Variants in MYT1L observed in about 807,000 individuals in gnomAD.
The protein encoded by MYT1L is myelin transcription factor 1 like, also known as myelin transcription factor 1-like protein.
A neutral mutation model predicts 126.7 loss-of-function variants in MYT1L; 12 were observed. The ratio of observed to expected loss-of-function variants is 0.09; its 90% CI spans 0.06 to 0.15. The LOEUF (loss-of-function observed/expected upper bound fraction) is 0.15, where lower values mean the gene tolerates loss of function less well. Among genes scored for constraint, MYT1L ranks in the 10% least tolerant of loss-of-function variants. The pLI is 1.00. For missense variants in MYT1L, 979 were observed against 1,585.2 expected, an observed-to-expected ratio of 0.62 and a Z score of 6.49; for synonymous variants, 541 against 604.2, an observed-to-expected ratio of 0.90 and a Z score of 1.53.
chr2:1,885,453 A>G (rs1209895177), intron 18 of MYT1L: 2 of 152,716 alleles, frequency 1.3e-5, no homozygotes, highest in African/African-American at 4.8e-5. Flanking sequence ...GTCACTGAAC[A>G]TAAGCAGGTG....
chr2:1,950,621 A>T (rs749851550), intron 8 of MYT1L, among the ~76,000 whole-genome samples: 2 of 152,116 alleles, frequency 1.3e-5, no homozygotes, highest in Non-Finnish European at 2.9e-5. Flanking sequence ...CAGGGAGGAG[A>T]CTGAGACAGA....
intron 21 of MYT1L, among the ~76,000 whole-genome samples, chr2:1,818,288 G>A (rs562364741): frequency 1.3e-3 from 192 of 152,312 alleles, no homozygotes; most frequent in Non-Finnish European, 2.1e-3. Flanking sequence ...GAGAACTCAC[G>A]ACAAAGAGCT....
At chr2:2,230,465 A>G (rs1288242513) in intron 2 of MYT1L, among the ~76,000 whole-genome samples, 1 of 152,232 alleles carries the variant, frequency 6.6e-6, no homozygotes, top group Non-Finnish European at 1.5e-5. Context: ...TGAATCGCCA[A>G]TGTACTTAGA....
intron 4 of MYT1L, among the ~76,000 whole-genome samples, chr2:2,032,129 A>G (rs2066378265): frequency 7.7e-6 from 1 of 130,574 alleles, no homozygotes; most frequent in South Asian, 2.8e-4. Context: ...TGTGGCCCAG[A>G]GCAGATTCTA....
chr2:2,162,015 T>TA (rs912002092), intron 3 of MYT1L, among the ~76,000 whole-genome samples: 25 of 152,214 alleles, frequency 1.6e-4, no homozygotes, highest in African/African-American at 5.8e-4. Flanking sequence ...ACGTTCAGGA[T>TA]AGACTCGCTT....
At chr2:1,800,373 A>G (rs9653594) in intron 23 of MYT1L, 6,583 of 152,402 alleles carry the variant, frequency 0.043, 163 homozygotes, top group East Asian at 0.072. Flanking sequence ...CTCTGGGAAG[A>G]CCTGAACACA....
At chr2:1,832,882 C>A (rs1050019573) in intron 21 of MYT1L, among the ~76,000 whole-genome samples, 19 of 152,212 alleles carry the variant, frequency 1.2e-4, no homozygotes, top group African/African-American at 4.3e-4. Context: ...ATCTCCTTCA[C>A]CCCAGTCCAC....
chr2:2,121,843 A>T (rs1161804015), intron 3 of MYT1L, among the ~76,000 whole-genome samples: 2 of 152,214 alleles, frequency 1.3e-5, no homozygotes, highest in Admixed American at 6.5e-5. Context: ...TTGCTACTGG[A>T]GCCCAGGAGG....
rs1182051584 is a variant in MYT1L at position 1,929,370 on chromosome 2, C to T, written c.506-6107G>A. On this transcript the variant is annotated intron_variant, in intron 9 of 24. Transcript: ENST00000647738. The surrounding 1 kb of genome is among the most constrained non-coding windows in gnomAD (Gnocchi z 4.7). Reference sequence around the variant, plus strand: ...GCCAGTGAGGCCCTTCACTAGAAGACCCCTGAGGCGCCCTCTAACTCAGAG... The same window carrying T: ...GCCAGTGAGGCCCTTCACTAGAAGATCCCTGAGGCGCCCTCTAACTCAGAG... Among the ~76,000 whole-genome samples the T allele has an allele frequency of 6.6e-6, 1 of 152,154 alleles. No individual in the cohort carries two copies. Among genetic ancestry groups the T allele is most frequent in the Non-Finnish European group, 1.5e-5 (1 of 68,020 alleles).
At chr2:2,095,316 G>A (rs1169314216) in intron 3 of MYT1L, among the ~76,000 whole-genome samples, 1 of 152,228 alleles carries the variant, frequency 6.6e-6, no homozygotes, top group Non-Finnish European at 1.5e-5. Context: ...CTCTCCAGGT[G>A]AGGCTGAGTT....
At chr2:1,875,793 C>CGGCCT (rs2046832967) in intron 18 of MYT1L, among the ~76,000 whole-genome samples, 1 of 152,174 alleles carries the variant, frequency 6.6e-6, no homozygotes, top group South Asian at 2.1e-4. Context: ...ACCTAAGCCT[C>CGGCCT]GGCCTGCTTT....
At chr2:1,924,702 G>GA (rs1331884965) in intron 9 of MYT1L, among the ~76,000 whole-genome samples, 3 of 152,188 alleles carry the variant, frequency 2.0e-5, no homozygotes, top group Non-Finnish European at 4.4e-5. Flanking sequence ...ATTAGACATA[G>GA]AGAATCGCTA....
At chr2:2,155,882 C>T (rs1412962920) in intron 3 of MYT1L, among the ~76,000 whole-genome samples, 1 of 152,158 alleles carries the variant, frequency 6.6e-6, no homozygotes, top group Non-Finnish European at 1.5e-5. Context: ...AACCATGTTC[C>T]ATGATTTGCT....
At position 1,832,563 on chromosome 2, in the gene MYT1L, C is replaced by G. The variant is rs978592726; in HGVS notation, c.3080+6586G>C. Among the ~76,000 whole-genome samples the G allele has an allele frequency of 2.0e-5, 3 of 152,218 alleles. No individual in the cohort carries two copies. In the East Asian group the frequency reaches 5.8e-4, roughly 29 times the overall value. On this transcript the variant is annotated intron_variant, in intron 21 of 24. Transcript: ENST00000647738. Reference sequence around the variant, plus strand: ...TAAACAGTCCTCTAATCTGTCCTTCCTTTCATGTTGGAGGTCTAGCCCTCA... The same window carrying G: ...TAAACAGTCCTCTAATCTGTCCTTCGTTTCATGTTGGAGGTCTAGCCCTCA...
intron 2 of MYT1L, among the ~76,000 whole-genome samples, chr2:2,216,938 AT>A (rs1273849260): frequency 1.3e-5 from 2 of 152,162 alleles, no homozygotes; most frequent in Non-Finnish European, 2.9e-5. Context: ...AAATAGAAAA[AT>A]TTGATTTGAA....
In MYT1L at chr2:1,933,736, TGC is replaced by T. The variant is rs2055340317; in HGVS notation, c.505+9244_505+9245del. Among the ~76,000 whole-genome samples the T allele has an allele frequency of 3.3e-5, 5 of 152,168 alleles. No homozygotes were observed. In the South Asian group the frequency reaches 1.0e-3, roughly 32 times the overall value. ...GGACAGGGTGCCCAGTGCCCAGGTGTGCTATAGAAGGTGACAGGACATTCTGT... is the reference window on the plus strand; with the variant it reads ...GGACAGGGTGCCCAGTGCCCAGGTGTTATAGAAGGTGACAGGACATTCTGT... On this transcript the variant is annotated intron_variant, in intron 9 of 24. Coordinates refer to ENST00000647738, the MANE Select transcript of MYT1L (RefSeq NM_001303052.2).
chr2:2,247,909 AGCTGTAAGT>A (rs1465838572), intron 2 of MYT1L, among the ~76,000 whole-genome samples: 16 of 152,180 alleles, frequency 1.1e-4, no homozygotes, highest in African/African-American at 3.4e-4. Flanking sequence ...GGAAATTTAT[AGCTGTAAGT>A]GCTTACATCG....
chr2:2,314,600 G>A (rs1477925847), intron 1 of MYT1L, among the ~76,000 whole-genome samples: 1 of 152,100 alleles, frequency 6.6e-6, no homozygotes, highest in East Asian at 1.9e-4. Flanking sequence ...TGCAGGATGT[G>A]CAGATTTGTT....
At position 1,979,020 on chromosome 2, in the gene MYT1L, A is replaced by G. The variant is rs2060392498; in HGVS notation, c.152+145T>C. 1.5e-6 allele frequency: 1 copy of G among 671,236 alleles called. No homozygotes were observed. Among genetic ancestry groups the G allele is most frequent in the Admixed American group, 2.7e-5 (1 of 37,104 alleles). 41.6% of individuals were successfully genotyped at this position (671,236 alleles called of 1,614,324 possible). On this transcript the variant is annotated intron_variant, in intron 8 of 24. Transcript: ENST00000647738. The surrounding 1 kb of genome is among the most constrained non-coding windows in gnomAD (Gnocchi z 4.0). ...TTGAGAACCCTTTCAAGAGACAAAG[A>G]CTGAGTTCCAGTGTGAGAAGAAAAA...
Sources: allele counts gnomAD v4.1 joint callset (sites outside exome capture counted in the v4.1 genomes callset), GRCh38; gene constraint gnomAD v4.1.1; non-coding constraint Gnocchi (gnomAD v3.1); transcripts MANE v1.5; gene names NCBI Gene and HGNC (gene_info 2026-07-23, HGNC 2026-07-21).